The following GBE1 variants were observed in gnomAD, a reference collection of about 807,000 sequenced individuals.
GBE1 encodes the protein 1,4-alpha-glucan branching enzyme 1, also known as 1,4-alpha-glucan-branching enzyme.
A neutral mutation model predicts 88.8 loss-of-function variants in GBE1; 70 were observed. The ratio of observed to expected loss-of-function variants is 0.79; its 90% CI spans 0.65 to 0.96. The LOEUF is 0.96. GBE1 is among the 40% of genes least tolerant of loss of function. GBE1 has a pLI of 0.00. For synonymous variants in GBE1, 284 were observed against 300.1 expected (o/e 0.95, Z 0.56); for missense variants, 872 against 871.0 (o/e 1.00, Z -0.01).
intron 7 of GBE1, among the ~76,000 whole-genome samples, chr3:81,637,916 G>C (rs879891115): frequency 2.0e-5 from 3 of 152,028 alleles, no homozygotes; most frequent in Non-Finnish European, 4.4e-5. Context: ...GCTTACCTCA[G>C]GAATGCAAGA....
intron 1 of GBE1, among the ~76,000 whole-genome samples, chr3:81,744,568 C>T (rs1706397135): frequency 1.3e-5 from 2 of 152,132 alleles, no homozygotes; most frequent in Admixed American, 1.3e-4. Context: ...ACTTAGCTTA[C>T]TCAGGAATTG....
At position 81,761,332 on chromosome 3, in the gene GBE1, C is replaced by G. The variant is rs553367854; in HGVS notation, c.143+43G>C. 7 of 1,571,018 alleles carry G rather than the reference C, an allele frequency of 4.5e-6. No individual in the cohort carries two copies. In the East Asian group the frequency reaches 1.7e-4, roughly 37 times the overall value. On this transcript the variant is annotated intron_variant, in intron 1 of 15. Coordinates refer to ENST00000429644, the MANE Select transcript of GBE1 (RefSeq NM_000158.4). ...GTGTCCCGAGACGGCTCCTGGGAGG[C>G]GGGCTGCCTGTCTAAGTGGGGGTGG...
intron 7 of GBE1, among the ~76,000 whole-genome samples, chr3:81,598,872 C>T (rs1396747451): frequency 6.6e-6 from 1 of 151,560 alleles, no homozygotes; most frequent in Non-Finnish European, 1.5e-5. Context: ...TTGAAGTTTT[C>T]TTTTCAATAT....
chr3:81,602,131 G>C (rs551782943), intron 7 of GBE1, among the ~76,000 whole-genome samples: 131 of 152,254 alleles, frequency 8.6e-4, no homozygotes, highest in African/African-American at 3.1e-3. Context: ...AAGTGAGAGT[G>C]AAAGTTGAAA....
intron 7 of GBE1, among the ~76,000 whole-genome samples, chr3:81,622,671 T>C (rs1470934341): frequency 6.6e-6 from 1 of 152,198 alleles, no homozygotes; most frequent in Non-Finnish European, 1.5e-5. Flanking sequence ...AACCTCTTGA[T>C]TTTCCCCCAA....
intron 14 of GBE1, among the ~76,000 whole-genome samples, chr3:81,526,213 C>T (rs1298018356): frequency 6.6e-6 from 1 of 151,892 alleles, no homozygotes; most frequent in South Asian, 2.1e-4. Flanking sequence ...ATGTGTCCCA[C>T]AGATTCTGGT....
At chr3:81,637,448 ATC>A (rs904467609) in intron 7 of GBE1, among the ~76,000 whole-genome samples, 1 of 152,188 alleles carries the variant, frequency 6.6e-6, no homozygotes, top group Non-Finnish European at 1.5e-5. Flanking sequence ...TTTTAAGTCT[ATC>A]TCTCCAAAAT....
intron 7 of GBE1, among the ~76,000 whole-genome samples, chr3:81,634,625 A>G (rs1265309605): frequency 6.6e-6 from 1 of 152,162 alleles, no homozygotes; most frequent in African/African-American, 2.4e-5. Context: ...AAAAAGAGAG[A>G]GAAGGAGAGA....
chr3:81,666,687 C>A (rs1705118065), intron 3 of GBE1, among the ~76,000 whole-genome samples: 1 of 152,104 alleles, frequency 6.6e-6, no homozygotes, highest in Non-Finnish European at 1.5e-5. Context: ...AAATGCCATG[C>A]CTTGGCTTTC....
chr3:81,524,840 G>A (rs368342332), intron 14 of GBE1, among the ~76,000 whole-genome samples: 99 of 152,044 alleles, frequency 6.5e-4, no homozygotes, highest in African/African-American at 2.3e-3. Context: ...GTCAGGTAAT[G>A]TGATTGTTCC....
chr3:81,649,886 A>G lies in GBE1; in HGVS notation c.465T>C (p.Tyr155=), dbSNP rs2107074898. 6.2e-7 allele frequency: 1 copy of G among 1,610,126 alleles called. No homozygotes were observed. The highest frequency in any genetic ancestry group is 1.1e-5 in the South Asian group (1 of 90,834). The stretch of plus-strand genomic sequence containing the variant: ...CATACTTTGCCCACGGTGAAATACG[A>G]TACAAGATCTCTCCGCTTTTACTAG... The part of the protein sequence containing the change: ...VITSKSGEIL[Y]RISPWAKYVV... The change falls in exon 4 of 16, where the codon TAT becomes TAC. Residue 155 remains tyrosine (Y), a synonymous_variant. Transcript: ENST00000429644.
chr3:81,499,760 T>C (rs922897905), intron 14 of GBE1, among the ~76,000 whole-genome samples: 1 of 152,210 alleles, frequency 6.6e-6, no homozygotes, highest in East Asian at 1.9e-4. Flanking sequence ...AAAAAAGAAA[T>C]GCATCATTGC....
At chr3:81,737,341 ATT>A (rs10576579) in intron 1 of GBE1, among the ~76,000 whole-genome samples, 55,307 of 128,102 alleles carry the variant, frequency 0.43, 11,961 homozygotes, top group East Asian at 0.53. Flanking sequence ...TTTTATATAT[ATT>A]TATATAAATA....
intron 12 of GBE1, among the ~76,000 whole-genome samples, chr3:81,543,788 T>C (rs534014458): frequency 1.2e-4 from 19 of 152,048 alleles, no homozygotes; most frequent in Non-Finnish European, 2.6e-4. Context: ...GCAAATAATA[T>C]AATTGATTTA....
At chr3:81,661,563 T>C (rs1234987689) in intron 3 of GBE1, among the ~76,000 whole-genome samples, 1 of 152,214 alleles carries the variant, frequency 6.6e-6, no homozygotes, top group Non-Finnish European at 1.5e-5. Flanking sequence ...ATTAGGCTTT[T>C]ATATGTATCT....
At chr3:81,693,903 A>G (rs143433080) in intron 2 of GBE1, among the ~76,000 whole-genome samples, 165 of 152,334 alleles carry the variant, frequency 1.1e-3, no homozygotes, top group Non-Finnish European at 2.0e-3. Context: ...AAAAAGGAAG[A>G]GAATAAAACT....
chr3:81,607,146 C>T (rs979230396), intron 7 of GBE1, among the ~76,000 whole-genome samples: 1 of 152,168 alleles, frequency 6.6e-6, no homozygotes, highest in African/African-American at 2.4e-5. Flanking sequence ...TTAAAATTCA[C>T]AGTGCCTTGT....
chr3:81,714,947 C>T (rs928296886), intron 1 of GBE1, among the ~76,000 whole-genome samples: 1 of 152,074 alleles, frequency 6.6e-6, no homozygotes, highest in Non-Finnish European at 1.5e-5. Context: ...GAGAGGGCCG[C>T]TCTTGTGATC....
At chr3:81,744,655 T>C (rs1258321162) in intron 1 of GBE1, among the ~76,000 whole-genome samples, 1 of 152,172 alleles carries the variant, frequency 6.6e-6, no homozygotes, top group Non-Finnish European at 1.5e-5. Flanking sequence ...GTTGCTGTGT[T>C]TTCAGATATG....
Sources: allele counts gnomAD v4.1 joint callset (sites outside exome capture counted in the v4.1 genomes callset), GRCh38; gene constraint gnomAD v4.1.1; transcripts MANE v1.5; gene names NCBI Gene and HGNC (gene_info 2026-07-23, HGNC 2026-07-21).